The following XKRX variants were observed in gnomAD, a reference collection of about 807,000 sequenced individuals.
The protein encoded by XKRX is XK related X-linked, also known as XK-related protein 2.
In XKRX, 11 loss-of-function variants were observed where a neutral mutation model predicts 22.4. The observed-to-expected ratio is 0.49, with a 90% confidence interval of 0.31 to 0.81. XKRX has a LOEUF of 0.81. Among genes scored for constraint, XKRX ranks in the 40% least tolerant of loss-of-function variants. XKRX has a pLI of 0.05. For missense variants in XKRX, 320 were observed against 336.5 expected (o/e 0.95, Z 0.38); for synonymous variants, 114 against 132.2 (o/e 0.86, Z 0.94).
the XKRX span, among the ~76,000 whole-genome samples, chrX:100,952,886 T>C: frequency 8.9e-6 from 1 of 112,555 alleles, no homozygotes; most frequent in East Asian, 2.8e-4. Context: ...TTTATTTTGA[T>C]GGTGGTTACA....
chrX:100,923,155 CTTTAT>C lies in XKRX; in HGVS notation c.336-99_336-95del, dbSNP rs372348070. On this transcript the variant is annotated intron_variant, in intron 1 of 2. Coordinates refer to ENST00000372956, the MANE Select transcript of XKRX (RefSeq NM_212559.3). Reference sequence around the variant, plus strand: ...AAAATAACTTGGGGAGGTTGTGCTACTTTATTTTATTTTTGAGACAAGGTCTTACT... The same window carrying C: ...AAAATAACTTGGGGAGGTTGTGCTACTTTATTTTTGAGACAAGGTCTTACT... The C allele has an allele frequency of 9.3e-5, 98 of 1,056,529 alleles. No homozygotes were observed. The African/African-American group carries it at 1.2e-3, about 13-fold the overall frequency. The allele number at this position is 1,056,529 out of a possible 1,213,427, so 87.1% of individuals were successfully genotyped here. A position where few individuals can be genotyped will look rare whatever the true frequency, so the allele number is the denominator to read the frequency against.
intron 1 of XKRX, 118 bp from the exon 2 acceptor site, chrX:100,923,179 T>A (rs2085482330): frequency 1.1e-6 from 1 of 881,334 alleles, no homozygotes; most frequent in African/African-American, 2.0e-5. Flanking sequence ...TGAGACAAGG[T>A]CTTACTCCAT....
downstream of XKRX, among the ~76,000 whole-genome samples, chrX:100,909,712 T>C (rs1303237836): frequency 1.8e-5 from 2 of 110,997 alleles, no homozygotes; most frequent in Admixed American, 9.5e-5. Flanking sequence ...AAGACCAGCC[T>C]GGCCAACATG....
chrX:100,953,622 C>G, the XKRX span, among the ~76,000 whole-genome samples: 3 of 111,618 alleles, frequency 2.7e-5, no homozygotes, highest in African/African-American at 9.8e-5. Context: ...ATAAATACCT[C>G]TTAAGGCCAG....
the XKRX span, among the ~76,000 whole-genome samples, chrX:100,951,437 C>T: frequency 1.2e-5 from 1 of 81,225 alleles, no homozygotes; most frequent in Non-Finnish European, 2.2e-5. Context: ...TAAAGAGAAT[C>T]CCCCGGGGGT....
the XKRX span, chrX:100,956,871 T>C: frequency 1.2e-5 from 10 of 841,295 alleles, no homozygotes; most frequent in South Asian, 2.1e-5. Context: ...AAGTCAAGTC[T>C]AGCCTAGAAT....
chrX:100,955,071 A>C, the XKRX span, among the ~76,000 whole-genome samples: 1 of 112,217 alleles, frequency 8.9e-6, no homozygotes, highest in African/African-American at 3.2e-5. Context: ...TATGTGAATT[A>C]TGTCTCAATA....
rs746461319 is a variant in XKRX, at chrX:100,915,094, C to A, written c.605-11G>T. ...ATACCATTAGCACAACTGTTAAAAA[C>A]AAAAACAAAAACAAAAACAGGCAAT... On this transcript the variant is annotated splice_polypyrimidine_tract_variant and intron_variant, in intron 2 of 2. Coordinates refer to ENST00000372956, the MANE Select transcript of XKRX (RefSeq NM_212559.3). 17 of 1,155,209 alleles carry A rather than the reference C, an allele frequency of 1.5e-5. No individual in the cohort carries two copies. The African/African-American group carries it at 3.5e-4, about 24-fold the overall frequency.
the XKRX span, among the ~76,000 whole-genome samples, chrX:100,949,564 C>G: frequency 3.6e-5 from 4 of 110,113 alleles, no homozygotes; most frequent in Non-Finnish European, 7.6e-5. Flanking sequence ...CGGGGTTTCA[C>G]TAGATGTTGG....
the XKRX span, among the ~76,000 whole-genome samples, chrX:100,894,560 C>A: frequency 9.0e-6 from 1 of 111,120 alleles, no homozygotes; most frequent in Non-Finnish European, 1.9e-5. Context: ...GGGGAGTAAT[C>A]AGCCTCCCAA....
the XKRX span, among the ~76,000 whole-genome samples, chrX:100,907,033 T>C: frequency 1.8e-5 from 2 of 111,628 alleles, no homozygotes; most frequent in Non-Finnish European, 3.8e-5. Flanking sequence ...CCCCCAGCTA[T>C]GTAACATAAC....
At chrX:100,911,118 G>C (rs138654057), downstream of XKRX, 1 of 571,958 alleles carries the variant, frequency 1.7e-6, no homozygotes, top group Non-Finnish European at 3.2e-6. Context: ...AAAGTTATTC[G>C]AACAGGAAAG....
rs202153243 is a variant in XKRX, at chrX:100,927,175, CA to C, written c.335+794del. 4.6e-5 allele frequency among the ~76,000 whole-genome samples: 5 copies of C among 109,375 alleles called. No individual in the cohort carries two copies. In the East Asian group the frequency reaches 1.2e-3, roughly 26 times the overall value. 95.0% of individuals were successfully genotyped at this position (109,375 alleles called of 115,157 possible). A position where few individuals can be genotyped will look rare whatever the true frequency, so the allele number is the denominator to read the frequency against. On this transcript the variant is annotated intron_variant, in intron 1 of 2. Coordinates refer to ENST00000372956, the MANE Select transcript of XKRX (RefSeq NM_212559.3). ...TCTACATAACGAGATCCCGTCTCTA[CA>C]AAAAAAATTTTTTTTTTTTTGAGAT... is the stretch of plus-strand genomic sequence containing the variant.
At chrX:100,936,212 A>T in the XKRX span, among the ~76,000 whole-genome samples, 1 of 111,245 alleles carries the variant, frequency 9.0e-6, no homozygotes, top group Non-Finnish European at 1.9e-5. Flanking sequence ...AGCATGATAA[A>T]GGTTGTGTAT....
Position 100,914,317 on chromosome X carries a change from T to A in XKRX, c.*21A>T. 1 of 1,197,926 alleles carries A rather than the reference T, an allele frequency of 8.3e-7. No homozygotes were observed. Among genetic ancestry groups the A allele is most frequent in the Non-Finnish European group, 1.1e-6 (1 of 888,396 alleles). On this transcript the variant is annotated 3_prime_UTR_variant, in exon 3 of 3. Transcript: ENST00000372956. Reference sequence around the variant, plus strand: ...ACTCTTGGCAACTCCCAACTCTTCCTAAAATACCCAGAAAATAGAATCAGA... The same window carrying A: ...ACTCTTGGCAACTCCCAACTCTTCCAAAAATACCCAGAAAATAGAATCAGA...
chrX:100,951,508 C>T, the XKRX span, among the ~76,000 whole-genome samples: 3 of 109,614 alleles, frequency 2.7e-5, no homozygotes, highest in Non-Finnish European at 3.8e-5. Context: ...ATCTAAGTAC[C>T]CATCTCACCT....
chrX:100,930,218 G>A (rs2085516333), upstream of XKRX, among the ~76,000 whole-genome samples: 1 of 108,527 alleles, frequency 9.2e-6, no homozygotes, highest in African/African-American at 3.4e-5. Flanking sequence ...GAACCCGGAC[G>A]GCAGAGGTTG....
At chrX:100,894,268 AAAT>A in the XKRX span, among the ~76,000 whole-genome samples, 1 of 111,689 alleles carries the variant, frequency 9.0e-6, no homozygotes, top group Non-Finnish European at 1.9e-5. Flanking sequence ...CTCTGTCTCA[AAAT>A]AATAATAATA....
At chrX:100,923,837 C>CTTTTT (rs745938618) in intron 1 of XKRX, among the ~76,000 whole-genome samples, 16 of 88,108 alleles carry the variant, frequency 1.8e-4, no homozygotes, top group East Asian at 7.5e-4. Context: ...TTCTTTCTTT[C>CTTTTT]TTTTTTTTTT....
Sources: gnomAD v4.1 joint callset for allele counts (sites outside exome capture counted in the v4.1 genomes callset) on GRCh38, gnomAD v4.1.1 for gene constraint, MANE v1.5 for transcripts, NCBI Gene and HGNC (gene_info 2026-07-23, HGNC 2026-07-21) for gene names.